FGF20: variants seen among roughly 807,000 people sequenced by gnomAD.
The protein encoded by FGF20 is fibroblast growth factor 20.
In FGF20, 8 loss-of-function variants were observed where a neutral mutation model predicts 16.7. That is an observed-to-expected ratio of 0.48 (90% confidence interval 0.28 to 0.87). The LOEUF is 0.87. Among genes scored for constraint, FGF20 ranks in the 40% least tolerant of loss-of-function variants. The pLI, the probability that FGF20 is intolerant of heterozygous loss-of-function variation, is 0.10. For missense variants in FGF20, 397 were observed against 281.4 expected (o/e 1.41, Z -2.94); for synonymous variants, 161 against 118.6 (o/e 1.36, Z -2.32).
chr8:16,999,665 G>A (rs1810136624), intron 1 of FGF20, among the ~76,000 whole-genome samples: 1 of 149,794 alleles, frequency 6.7e-6, no homozygotes, highest in Non-Finnish European at 1.5e-5. Flanking sequence ...GGGATTACAG[G>A]TGCCCACCAA....
chr8:16,996,192 T>G (rs1467271847), intron 1 of FGF20, among the ~76,000 whole-genome samples: 2 of 152,156 alleles, frequency 1.3e-5, no homozygotes, highest in Non-Finnish European at 2.9e-5. Flanking sequence ...TTTTTCCTTT[T>G]TGGCCAATAA....
rs1208644279 is a variant in FGF20 at position 17,001,792 on chromosome 8, G to A, written c.241C>T (p.Pro81Ser). The change falls in exon 1 of 3, where the codon CCC becomes TCC. Residue 81 changes from proline (P) to serine (S), a missense_variant. Coordinates refer to ENST00000180166, the MANE Select transcript of FGF20 (RefSeq NM_019851.3). ...CRTGFHLQILPDGSVQGTRQD... is the reference protein window; with the variant it reads ...CRTGFHLQILSDGSVQGTRQD... ...CGGGTGCCCTGCACGCTGCCGTCGGGCAGGATCTGCAGGTGGAAGCCGGTG... is the reference window on the plus strand; with the variant it reads ...CGGGTGCCCTGCACGCTGCCGTCGGACAGGATCTGCAGGTGGAAGCCGGTG... The A allele has an allele frequency of 1.3e-6, 2 of 1,567,920 alleles. No individual in the cohort carries two copies. The highest frequency in any genetic ancestry group is 1.8e-5 in the Admixed American group (1 of 55,356).
rs763286912 is a variant in FGF20, at chr8:17,001,881, C to T, written c.152G>A (p.Gly51Glu). ...RSAAERSARG[G>E]PGAAQLAHLH... The stretch of plus-strand genomic sequence containing the variant: ...GTGCGCCAGCTGCGCAGCCCCCGGC[C>T]CGCCGCGCGCGCTCCGCTCCGCCGC... Residue 51 changes from glycine (G) to glutamate (E), a missense_variant, in exon 1 of 3, where the codon GGG becomes GAG. Transcript: ENST00000180166. 171 of 1,435,634 alleles carry T rather than the reference C, an allele frequency of 1.2e-4. 1 individual carries two copies. Among genetic ancestry groups the T allele is most frequent in the South Asian group, 3.3e-4 (22 of 67,446 alleles). The allele number at this position is 1,435,634 out of a possible 1,614,324, so 88.9% of individuals were successfully genotyped here. A position where few individuals can be genotyped will look rare whatever the true frequency, so the allele number is the denominator to read the frequency against.
chr8:16,993,300 T>C lies in FGF20; in HGVS notation c.408A>G (p.Glu136=). 2 of 1,608,382 alleles carry C rather than the reference T, an allele frequency of 1.2e-6. No homozygotes were observed. Among genetic ancestry groups the C allele is most frequent in the Non-Finnish European group, 8.5e-7 (1 of 1,177,314 alleles). ...ELYGSEKLTS[E]CIFREQFEEN... ...CTTCAAACTGCTCCCTAAAGATGCA[T>C]TCGGAAGTAAGTTTCTCCTGAAAGA... is the stretch of plus-strand genomic sequence containing the variant. The change falls in exon 3 of 3, where the codon GAA becomes GAG. Residue 136 remains glutamate (E), a synonymous_variant. Transcript: ENST00000180166.
intron 2 of FGF20, among the ~76,000 whole-genome samples, chr8:16,994,549 T>C (rs1185117085): frequency 6.6e-6 from 1 of 152,216 alleles, no homozygotes; most frequent in Non-Finnish European, 1.5e-5. Flanking sequence ...ATTGTCTTTC[T>C]TTGTTCTGAG....
At chr8:16,995,279 A>G (rs1311214836) in intron 2 of FGF20, among the ~76,000 whole-genome samples, 1 of 152,248 alleles carries the variant, frequency 6.6e-6, no homozygotes, top group Non-Finnish European at 1.5e-5. Flanking sequence ...GTGGAAGATG[A>G]TAACAGGTAG....
At position 17,002,266 on chromosome 8, in the gene FGF20, T is replaced by C. The variant is rs1443315085; in HGVS notation, c.-234A>G. The C allele has an allele frequency of 2.2e-6, 1 of 450,792 alleles. No individual in the cohort carries two copies. Among genetic ancestry groups the C allele is most frequent in the East Asian group, 4.1e-5 (1 of 24,652 alleles). The allele number at this position is 450,792 out of a possible 1,614,324, so 27.9% of individuals were successfully genotyped here. A position where few individuals can be genotyped will look rare whatever the true frequency, so the allele number is the denominator to read the frequency against. On this transcript the variant is annotated 5_prime_UTR_variant, in exon 1 of 3. It adds an upstream start codon to the 5' untranslated region. Coordinates refer to ENST00000180166, the MANE Select transcript of FGF20 (RefSeq NM_019851.3). ...GAGCCGGCTGCTGGCTCTGCAGAAA[T>C]ATCTATAGCTGCCGCTGCCAATACT...
chr8:16,998,090 A>G (rs940196752), intron 1 of FGF20, among the ~76,000 whole-genome samples: 1 of 152,220 alleles, frequency 6.6e-6, no homozygotes, highest in African/African-American at 2.4e-5. Flanking sequence ...TAAGCTAATT[A>G]TATAACAAAT....
Position 16,992,941 on chromosome 8 carries a change from C to T in FGF20, c.*131G>A. ...TGGTTTTTTTTCTCAATATTCTTTC[C>T]AAATCCAGTCTCTCAGTAGAAAATA... On this transcript the variant is annotated 3_prime_UTR_variant, in exon 3 of 3. Transcript: ENST00000180166. 2 of 1,209,536 alleles carry T rather than the reference C, an allele frequency of 1.7e-6. No homozygotes were observed. The highest frequency in any genetic ancestry group is 2.3e-6 in the Non-Finnish European group (2 of 873,494). 74.9% of individuals were successfully genotyped at this position (1,209,536 alleles called of 1,614,324 possible).
chr8:16,993,077 T>C lies in FGF20; in HGVS notation c.631A>G (p.Thr211Ala), dbSNP rs573963889. ...PELYKDLLMY[T>A] ...CATAATGTCACTATCGCACTTCAAGTGTACATCAGTAGGTCCTTGTACAAT... is the reference window on the plus strand; with the variant it reads ...CATAATGTCACTATCGCACTTCAAGCGTACATCAGTAGGTCCTTGTACAAT... The change falls in exon 3 of 3, where the codon ACT becomes GCT. Residue 211 changes from threonine (T) to alanine (A), a missense_variant. Physicochemically the swap from Thr to Ala is moderately conservative, Grantham distance 58 (BLOSUM62 0). Transcript: ENST00000180166. 33 of 1,613,818 alleles carry C rather than the reference T, an allele frequency of 2.0e-5. No homozygotes were observed. Among genetic ancestry groups the C allele is most frequent in the Non-Finnish European group, 2.8e-5 (33 of 1,179,976 alleles).
chr8:17,002,018 G>T lies in FGF20; in HGVS notation c.15C>A (p.Ala5=). 1 of 1,537,606 alleles carries T rather than the reference G, an allele frequency of 6.5e-7. No homozygotes were observed. Among genetic ancestry groups the T allele is most frequent in the Non-Finnish European group, 8.8e-7 (1 of 1,142,738 alleles). The change falls in exon 1 of 3, where the codon GCC becomes GCA. Residue 5 remains alanine (A), a synonymous_variant. Transcript: ENST00000180166. The stretch of plus-strand genomic sequence containing the variant: ...GGCCGCCCAGAAAGCCCCCGACTTC[G>T]GCTAAGGGAGCCATGGAGGGGGAGA... MAPL[A]EVGGFLGGLE...
intron 1 of FGF20, among the ~76,000 whole-genome samples, chr8:16,996,010 T>G (rs1176622678): frequency 6.6e-6 from 1 of 152,206 alleles, no homozygotes; most frequent in Non-Finnish European, 1.5e-5. Flanking sequence ...AGAGAACCTC[T>G]GACCGGCCTG....
At chr8:16,995,541 T>C (rs1810022608) in intron 2 of FGF20, 114 bp downstream of exon 2, 4 of 461,408 alleles carry the variant, frequency 8.7e-6, no homozygotes, top group Middle Eastern at 5.4e-4. Context: ...AATTTCTACG[T>C]AAGTATGTTT....
In FGF20 at chr8:16,995,701, C is replaced by G; in HGVS notation, c.344G>C (p.Ser115Thr). ...VGLVSIRGVDSGLYLGMNDKG... is the reference protein window; with the variant it reads ...VGLVSIRGVDTGLYLGMNDKG... ...GTCATTCATTCCAAGATAGAGACCA[C>G]TGTCCACACCTCTAATACTGACCAG... The change falls in exon 2 of 3, where the codon AGT becomes ACT. Residue 115 changes from serine (S) to threonine (T), a missense_variant. Ser to Thr is a moderately conservative substitution (Grantham distance 58). Coordinates refer to ENST00000180166, the MANE Select transcript of FGF20 (RefSeq NM_019851.3). 6.2e-7 allele frequency: 1 copy of G among 1,608,936 alleles called. No homozygotes were observed. Among genetic ancestry groups the G allele is most frequent in the Non-Finnish European group, 8.5e-7 (1 of 1,175,932 alleles).
In FGF20 at chr8:16,993,276, T is replaced by A. The variant is rs1563231817; in HGVS notation, c.432A>T (p.Glu144Asp). The A allele has an allele frequency of 2.5e-6, 4 of 1,613,898 alleles. No individual in the cohort carries two copies. Among genetic ancestry groups the A allele is most frequent in the Non-Finnish European group, 3.4e-6 (4 of 1,179,852 alleles). The change falls in exon 3 of 3, where the codon GAA becomes GAT. Residue 144 changes from glutamate (E) to aspartate (D), a missense_variant. Transcript: ENST00000180166. ...TSECIFREQF[E>D]ENWYNTYSSN... Reference sequence around the variant, plus strand: ...ATGAATAGGTGTTATACCAGTTCTCTTCAAACTGCTCCCTAAAGATGCATT... The same window carrying A: ...ATGAATAGGTGTTATACCAGTTCTCATCAAACTGCTCCCTAAAGATGCATT...
At chr8:17,000,075 C>T (rs1473827566) in intron 1 of FGF20, among the ~76,000 whole-genome samples, 4 of 152,120 alleles carry the variant, frequency 2.6e-5, no homozygotes, top group Admixed American at 2.6e-4. Context: ...GAATCGAAGT[C>T]TCAGGGCCAT....
chr8:16,996,646 G>A (rs1810054267), intron 1 of FGF20, among the ~76,000 whole-genome samples: 1 of 152,104 alleles, frequency 6.6e-6, no homozygotes, highest in Admixed American at 6.5e-5. Flanking sequence ...AGGAGCAGCA[G>A]CATCCCTTAT....
intron 1 of FGF20, among the ~76,000 whole-genome samples, chr8:16,998,741 G>A (rs1170745884): frequency 6.6e-6 from 1 of 151,482 alleles, no homozygotes; most frequent in East Asian, 1.9e-4. Flanking sequence ...AAAGAAATAT[G>A]TTTGATCTCA....
At position 16,992,525 on chromosome 8, in the gene FGF20, A is replaced by C. The variant is rs1001460232; in HGVS notation, c.*547T>G. On this transcript the variant is annotated 3_prime_UTR_variant, in exon 3 of 3. Transcript: ENST00000180166. The stretch of plus-strand genomic sequence containing the variant: ...ATATTTTCAAATTGAAAGTGTATAA[A>C]TAGGTCCATTCTTTTAAAAAGTGTT... The C allele has an allele frequency of 1.3e-5, 2 of 151,538 alleles. No homozygotes were observed. The highest frequency in any genetic ancestry group is 2.9e-5 in the Non-Finnish European group (2 of 67,902). The allele number at this position is 151,538 out of a possible 1,614,324, so 9.4% of individuals were successfully genotyped here.
Sources: allele counts gnomAD v4.1 joint callset (sites outside exome capture counted in the v4.1 genomes callset), GRCh38; gene constraint gnomAD v4.1.1; transcripts MANE v1.5; gene names NCBI Gene and HGNC (gene_info 2026-07-23, HGNC 2026-07-21).